Variants in EXT2 observed in about 807,000 individuals in gnomAD.
EXT2 encodes the protein exostosin-2.
EXT2 carries 53 observed loss-of-function variants against 81.6 expected under a neutral mutation model. The observed-to-expected ratio is 0.65, with a 90% confidence interval of 0.52 to 0.82. The LOEUF (loss-of-function observed/expected upper bound fraction) is 0.82. Among genes scored for constraint, EXT2 ranks in the 40% least tolerant of loss-of-function variants. The pLI, the probability that EXT2 is intolerant of heterozygous loss-of-function variation, is 0.00. For missense variants in EXT2, 774 were observed against 910.2 expected (o/e 0.85, Z 1.93); for synonymous variants, 320 against 340.0 (o/e 0.94, Z 0.65).
At chr11:44,142,936 T>C (rs888644287) in intron 7 of EXT2, among the ~76,000 whole-genome samples, 2 of 152,258 alleles carry the variant, frequency 1.3e-5, no homozygotes, top group Non-Finnish European at 2.9e-5. Context: ...ATATAATCTT[T>C]GGAAATACTT....
At chr11:44,096,221 C>T (rs1339296093) in intron 1 of EXT2, 1 of 1,534,284 alleles carries the variant, frequency 6.5e-7, no homozygotes, top group South Asian at 1.2e-5. Flanking sequence ...CACCTTCCCG[C>T]CAGCCACAGG....
chr11:44,180,286 A>G (rs1216944549), intron 8 of EXT2, among the ~76,000 whole-genome samples: 2 of 152,180 alleles, frequency 1.3e-5, no homozygotes, highest in East Asian at 3.9e-4. Context: ...CTCCTGTTCC[A>G]TCTTACCGTT....
At chr11:44,194,783 A>G (rs1024595119) in intron 8 of EXT2, among the ~76,000 whole-genome samples, 5 of 152,058 alleles carry the variant, frequency 3.3e-5, no homozygotes, top group Non-Finnish European at 7.4e-5. Context: ...CATTTTATAC[A>G]CTTTTTTAAA....
chr11:44,137,509 C>A lies in EXT2; in HGVS notation c.1173+7371C>A, dbSNP rs185400560. Among the ~76,000 whole-genome samples, 167 of 151,800 alleles carry A rather than the reference C, an allele frequency of 1.1e-3. 1 individual carries two copies. The highest frequency in any genetic ancestry group is 1.9e-3 in the Non-Finnish European group (128 of 67,986). On this transcript the variant is annotated intron_variant, in intron 7 of 13. Coordinates refer to ENST00000533608, the MANE Select transcript of EXT2 (RefSeq NM_207122.2). ...GGTGACTTTTCCAAGAGCAGCTCAC[C>A]AAAGCATTCTTTAAATTTAGGAGAA...
At chr11:44,219,677 G>T (rs1955761638) in intron 10 of EXT2, among the ~76,000 whole-genome samples, 1 of 152,100 alleles carries the variant, frequency 6.6e-6, no homozygotes, top group Non-Finnish European at 1.5e-5. Flanking sequence ...CTGCAGAAGG[G>T]TTTTTCTTTA....
chr11:44,154,019 G>C (rs1954827757), intron 7 of EXT2, among the ~76,000 whole-genome samples: 2 of 151,416 alleles, frequency 1.3e-5, no homozygotes, highest in Non-Finnish European at 3.0e-5. Context: ...TGGGTACATA[G>C]TAGGTATATA....
intron 7 of EXT2, among the ~76,000 whole-genome samples, chr11:44,151,322 C>T (rs1204215157): frequency 6.6e-6 from 1 of 152,098 alleles, no homozygotes; most frequent in Non-Finnish European, 1.5e-5. Context: ...CATGTATCTA[C>T]CATTGTAATA....
intron 1 of EXT2, chr11:44,096,256 T>C: frequency 6.5e-7 from 1 of 1,535,896 alleles, no homozygotes; most frequent in East Asian, 2.4e-5. Context: ...CAGGGGGATG[T>C]CCTGCGCCTC....
At chr11:44,101,461 A>G (rs942805484) in intron 1 of EXT2, among the ~76,000 whole-genome samples, 1 of 152,230 alleles carries the variant, frequency 6.6e-6, no homozygotes, top group African/African-American at 2.4e-5. Flanking sequence ...ATAGCTCCCC[A>G]CAAAAAAGAG....
intron 7 of EXT2, among the ~76,000 whole-genome samples, chr11:44,137,253 G>A (rs537893734): frequency 6.6e-6 from 1 of 152,194 alleles, no homozygotes; most frequent in Non-Finnish European, 1.5e-5. Context: ...GATTTACAAT[G>A]CACTAGGGCC....
chr11:44,207,343 G>A (rs1443689455), intron 10 of EXT2, among the ~76,000 whole-genome samples: 1 of 152,270 alleles, frequency 6.6e-6, no homozygotes, highest in Non-Finnish European at 1.5e-5. Context: ...TGGCGACACT[G>A]ACAAACAAAG....
At chr11:44,191,137 G>T (rs1955386117) in intron 8 of EXT2, among the ~76,000 whole-genome samples, 1 of 152,240 alleles carries the variant, frequency 6.6e-6, no homozygotes. Flanking sequence ...CTTTTCTGCA[G>T]CTGGCATTGT....
intron 7 of EXT2, among the ~76,000 whole-genome samples, chr11:44,156,928 C>T (rs151235571): frequency 1.3e-5 from 2 of 152,260 alleles, no homozygotes; most frequent in African/African-American, 4.8e-5. Context: ...TCACTGCAGC[C>T]GTTCTGCATT....
chr11:44,098,694 CAAA>C (rs781017263), intron 1 of EXT2, among the ~76,000 whole-genome samples: 4 of 72,440 alleles, frequency 5.5e-5, no homozygotes, highest in Admixed American at 1.6e-4. Flanking sequence ...GATTCTGTCT[CAAA>C]AAAAAAAAAA....
chr11:44,165,954 A>G (rs1954988711), intron 7 of EXT2, among the ~76,000 whole-genome samples: 1 of 152,212 alleles, frequency 6.6e-6, no homozygotes. Context: ...ATATCTTTGT[A>G]TCTTAGTTTC....
chr11:44,242,599 ACC>A (rs1261334085), intron 13 of EXT2, among the ~76,000 whole-genome samples: 1 of 151,794 alleles, frequency 6.6e-6, no homozygotes, highest in Non-Finnish European at 1.5e-5. Flanking sequence ...TAATTTCTTA[ACC>A]CATAACATGA....
Position 44,234,157 on chromosome 11 carries a change from A to G in EXT2, c.1849A>G (p.Lys617Glu). The G allele has an allele frequency of 1.2e-6, 2 of 1,614,186 alleles. No individual in the cohort carries two copies. Among genetic ancestry groups the G allele is most frequent in the Non-Finnish European group, 1.7e-6 (2 of 1,180,018 alleles). ...TACCTACAAAATGCCTGGGGATATC[A>G]AGAACTGGGTAGATGCTCATATGAA... ...LYTYKMPGDI[K>E]NWVDAHMNCE... The change falls in exon 12 of 14, where the codon AAG becomes GAG. Residue 617 changes from lysine to glutamate, a missense_variant. Physicochemically the swap from Lys to Glu is moderately conservative, Grantham distance 56 (BLOSUM62 1). This residue lies in a region of EXT2 where 148 missense variants were observed against 239.7 expected (regional missense o/e 0.62). Coordinates refer to ENST00000533608, the MANE Select transcript of EXT2 (RefSeq NM_207122.2).
At chr11:44,212,595 AT>A (rs1955663945) in intron 10 of EXT2, among the ~76,000 whole-genome samples, 1 of 152,178 alleles carries the variant, frequency 6.6e-6, no homozygotes, top group Non-Finnish European at 1.5e-5. Context: ...CATATAGAAC[AT>A]TTTTTATATG....
At chr11:44,154,860 A>AAT (rs1272579779) in intron 7 of EXT2, among the ~76,000 whole-genome samples, 1 of 152,092 alleles carries the variant, frequency 6.6e-6, no homozygotes, top group African/African-American at 2.4e-5. Flanking sequence ...ATATCTTATT[A>AAT]GAGTTTTGAT....
Sources: gnomAD v4.1 joint callset for allele counts (sites outside exome capture counted in the v4.1 genomes callset) on GRCh38, gnomAD v4.1.1 for gene constraint, gnomAD v4.1.1 regional missense constraint, MANE v1.5 for transcripts, NCBI Gene and HGNC (gene_info 2026-07-23, HGNC 2026-07-21) for gene names.